The following IL4R variants were observed in gnomAD, a reference collection of about 807,000 sequenced individuals.
The protein encoded by IL4R is interleukin-4 receptor subunit alpha.
IL4R carries 17 observed loss-of-function variants against 41.5 expected under a neutral mutation model. The ratio of observed to expected loss-of-function variants is 0.41; its 90% CI spans 0.28 to 0.61. The LOEUF (loss-of-function observed/expected upper bound fraction) is 0.61, where lower values mean the gene tolerates loss of function less well. IL4R is among the 20% of genes least tolerant of loss of function. The probability of loss-of-function intolerance (pLI) is 0.31; values close to 1 mark genes in which losing one functional copy is unlikely to be tolerated. For missense variants in IL4R, 974 were observed against 1,043.1 expected (o/e 0.93, Z 0.91); for synonymous variants, 402 against 422.9 (o/e 0.95, Z 0.61).
chr16:27,358,948 ACCCAGCCCGCAGCCG>A lies in IL4R; in HGVS notation c.806_820del (p.Pro269_Arg273del). The A allele has an allele frequency of 1.2e-6, 2 of 1,614,034 alleles. No homozygotes were observed. The highest frequency in any genetic ancestry group is 1.7e-6 in the Non-Finnish European group (2 of 1,179,938). On this transcript the variant is annotated inframe_deletion, in exon 9 of 11. Transcript: ENST00000395762. ...AAAGAATGGTGGGATCAGATTCCCA[ACCCAGCCCGCAGCCG>A]CCTCGTGGCTATAATAATCCAGGAT...
At chr16:27,355,768 A>G (rs1337554458) in intron 7 of IL4R, 40 bp from the exon 8 acceptor site, 15 of 1,432,862 alleles carry the variant, frequency 1.0e-5, no homozygotes, top group Non-Finnish European at 1.5e-5. Context: ...AGGCTGTACC[A>G]TGGCTGACCT....
intron 7 of IL4R, chr16:27,354,899 A>G (rs546985109): frequency 2.5e-6 from 1 of 405,876 alleles, no homozygotes; most frequent in African/African-American, 2.0e-5. Flanking sequence ...TCCAGAACCC[A>G]GCACAGAACC....
chr16:27,335,286 A>G (rs993263112), intron 2 of IL4R, among the ~76,000 whole-genome samples: 1 of 152,008 alleles, frequency 6.6e-6, no homozygotes, highest in African/African-American at 2.4e-5. Flanking sequence ...ATGTATTTTC[A>G]CTCATTAGTT....
chr16:27,333,799 G>A (rs1200874803), intron 2 of IL4R, among the ~76,000 whole-genome samples: 1 of 152,142 alleles, frequency 6.6e-6, no homozygotes, highest in East Asian at 1.9e-4. Context: ...CAGAAGTGGG[G>A]TGTTCGCAGG....
Position 27,314,030 on chromosome 16 carries a change from G to C in IL4R, c.-152+10G>C, listed in dbSNP as rs900155335. 2.4e-5 allele frequency: 24 copies of C among 984,916 alleles called. No homozygotes were observed. The highest frequency in any genetic ancestry group is 2.9e-5 in the Non-Finnish European group (24 of 829,810). 61.0% of individuals were successfully genotyped at this position (984,916 alleles called of 1,614,324 possible). A position where few individuals can be genotyped will look rare whatever the true frequency, so the allele number is the denominator to read the frequency against. On this transcript the variant is annotated intron_variant, in intron 1 of 10. Transcript: ENST00000395762. ...GAGCAGGGGCGCGCAGGTAGGATCC[G>C]GGGCCCGCGCGCGGATCGGGTTGCG...
chr16:27,341,323 G>T, intron 3 of IL4R: 1 of 607,438 alleles, frequency 1.6e-6, no homozygotes, highest in Non-Finnish European at 2.9e-6. Context: ...GGTACTTTGG[G>T]GAGGGGCGGG....
intron 1 of IL4R, among the ~76,000 whole-genome samples, chr16:27,324,547 G>C (rs2084900541): frequency 6.6e-6 from 1 of 152,194 alleles, no homozygotes; most frequent in South Asian, 2.1e-4. Flanking sequence ...TAGGGGATAT[G>C]AGCACCAAAC....
intron 1 of IL4R, among the ~76,000 whole-genome samples, chr16:27,314,958 G>A (rs116795069): frequency 2.5e-4 from 38 of 152,278 alleles, no homozygotes; most frequent in African/African-American, 7.5e-4. Context: ...ACAGGTGTGA[G>A]CCACTGAGCC....
At chr16:27,349,937 G>A (rs1027543274) in intron 6 of IL4R, among the ~76,000 whole-genome samples, 5 of 152,288 alleles carry the variant, frequency 3.3e-5, no homozygotes, top group Middle Eastern at 3.4e-3. Context: ...TTTTAGTAGC[G>A]ACAGGGTCTC....
In IL4R at chr16:27,363,657, G is replaced by A; in HGVS notation, c.2305G>A (p.Val769Ile). ...GGCCCCAGACCCCTCTCCAGGTGGGGTTCCACTGGAGGCCAGTCTGTGTCC... is the reference window on the plus strand; with the variant it reads ...GGCCCCAGACCCCTCTCCAGGTGGGATTCCACTGGAGGCCAGTCTGTGTCC... ...LRAPDPSPGG[V>I]PLEASLCPAS... The change falls in exon 11 of 11, where the codon GTT becomes ATT. Residue 769 changes from valine (V) to isoleucine (I), a missense_variant. By Grantham distance (29) the Val-to-Ile change is conservative. Around this residue, in one of 3 missense-constraint regions of IL4R, gnomAD observed 682 missense variants for 704.3 expected, o/e 0.97. Coordinates refer to ENST00000395762, the MANE Select transcript of IL4R (RefSeq NM_000418.4). 6.2e-7 allele frequency: 1 copy of A among 1,613,822 alleles called. No individual in the cohort carries two copies. The highest frequency in any genetic ancestry group is 8.5e-7 in the Non-Finnish European group (1 of 1,179,974).
chr16:27,357,552 C>T (rs1343554568), intron 8 of IL4R, among the ~76,000 whole-genome samples: 2 of 152,158 alleles, frequency 1.3e-5, no homozygotes, highest in Admixed American at 1.3e-4. Context: ...CAATCTCTGC[C>T]TCCCGGGTTC....
At position 27,363,691 on chromosome 16, in the gene IL4R, T is replaced by C; in HGVS notation, c.2339T>C (p.Leu780Pro). 1 of 1,613,900 alleles carries C rather than the reference T, an allele frequency of 6.2e-7. No homozygotes were observed. The change falls in exon 11 of 11, where the codon CTG (leucine) becomes CCG (proline). Residue 780 changes from leucine (L) to proline (P), a missense_variant. This residue lies in a region of IL4R where 682 missense variants were observed against 704.3 expected (regional missense o/e 0.97). Transcript: ENST00000395762. Reference protein sequence around the residue: ...PLEASLCPASLAPSGISEKSK... With the variant: ...PLEASLCPASPAPSGISEKSK... ...GAGGCCAGTCTGTGTCCGGCCTCCC[T>C]GGCACCCTCGGGCATCTCAGAGAAG... is the stretch of plus-strand genomic sequence containing the variant.
intron 1 of IL4R, among the ~76,000 whole-genome samples, chr16:27,317,384 G>A (rs2141046205): frequency 6.6e-6 from 1 of 152,172 alleles, no homozygotes; most frequent in Non-Finnish European, 1.5e-5. Context: ...GCTTGTACCA[G>A]TTCACTGGGG....
intron 1 of IL4R, among the ~76,000 whole-genome samples, chr16:27,317,987 T>A (rs1192509254): frequency 6.6e-6 from 1 of 152,230 alleles, no homozygotes; most frequent in Non-Finnish European, 1.5e-5. Flanking sequence ...GACCAAGTCC[T>A]TTGCTCTCCT....
intron 2 of IL4R, among the ~76,000 whole-genome samples, chr16:27,332,369 A>G (rs1433715433): frequency 6.6e-6 from 1 of 151,988 alleles, no homozygotes; most frequent in Non-Finnish European, 1.5e-5. Context: ...TTATAAAACC[A>G]TCAGATCTCA....
intron 4 of IL4R, among the ~76,000 whole-genome samples, chr16:27,342,595 A>G (rs1400707626): frequency 2.0e-5 from 3 of 152,116 alleles, no homozygotes; most frequent in Non-Finnish European, 4.4e-5. Flanking sequence ...ACATCATTCT[A>G]TGTTTACCTA....
chr16:27,355,234 G>A (rs1166484151), intron 7 of IL4R: 3 of 291,816 alleles, frequency 1.0e-5, no homozygotes, highest in South Asian at 5.7e-5. Context: ...GGGATGGAGC[G>A]ATGGGCAGGG....
Position 27,363,385 on chromosome 16 carries a change from T to A in IL4R, c.2033T>A (p.Leu678Gln). The part of the protein sequence containing the change: ...SHLPSSSPEH[L>Q]GLEPGEKVED... ...CTCCCAAGCAGCTCCCCAGAGCACC[T>A]GGGTCTGGAGCCGGGGGAAAAGGTA... is the stretch of plus-strand genomic sequence containing the variant. The change falls in exon 11 of 11, where the codon CTG becomes CAG. Residue 678 changes from leucine to glutamine, a missense_variant. Leu to Gln is a moderately radical substitution (Grantham distance 113). This residue lies in a region of IL4R where 682 missense variants were observed against 704.3 expected (regional missense o/e 0.97). Transcript: ENST00000395762. 6.2e-7 allele frequency: 1 copy of A among 1,614,102 alleles called. No homozygotes were observed. The highest frequency in any genetic ancestry group is 2.2e-5 in the East Asian group (1 of 44,880).
chr16:27,346,475 A>C lies in IL4R; in HGVS notation c.370A>C (p.Arg124=), dbSNP rs1298315319. 6.2e-7 allele frequency: 1 copy of C among 1,614,126 alleles called. No individual in the cohort carries two copies. The part of the protein sequence containing the change: ...SFKPSEHVKP[R]APGNLTVHTN... ...GGCCGCTTCTCCCGCAGTGAAACCC[A>C]GGGCCCCAGGAAACCTGACAGTTCA... The change falls in exon 6 of 11, where the codon AGG becomes CGG. Residue 124 remains arginine (R), a synonymous_variant. Transcript: ENST00000395762.
Sources: allele counts gnomAD v4.1 joint callset (sites outside exome capture counted in the v4.1 genomes callset), GRCh38; gene constraint gnomAD v4.1.1; regional missense constraint gnomAD v4.1.1; transcripts MANE v1.5; gene names NCBI Gene and HGNC (gene_info 2026-07-23, HGNC 2026-07-21).